The following CDH18 variants were observed in gnomAD, a reference collection of about 807,000 sequenced individuals.
CDH18 encodes cadherin-18.
In CDH18, 31 loss-of-function variants were observed where a neutral mutation model predicts 67.9. The ratio of observed to expected loss-of-function variants is 0.46; its 90% CI spans 0.34 to 0.62. The LOEUF is 0.62. Ranked by LOEUF, CDH18 falls within the 20% of genes least tolerant of loss-of-function variation. The pLI is 0.01. For synonymous variants in CDH18, 362 were observed against 347.2 expected, an observed-to-expected ratio of 1.04 and a Z score of -0.48; for missense variants, 890 against 975.5, an observed-to-expected ratio of 0.91 and a Z score of 1.17.
At chr5:19,744,585 T>C (rs2150720510) in intron 4 of CDH18, among the ~76,000 whole-genome samples, 1 of 152,084 alleles carries the variant, frequency 6.6e-6, no homozygotes, top group South Asian at 2.1e-4. Flanking sequence ...CTCTCTGTTA[T>C]TTTCCTTGAC....
chr5:20,326,265 C>CT (rs1738567930), intron 1 of CDH18, among the ~76,000 whole-genome samples: 1 of 152,030 alleles, frequency 6.6e-6, no homozygotes, highest in Non-Finnish European at 1.5e-5. Flanking sequence ...GCAAACAAAT[C>CT]TGAGAATCCC....
chr5:20,172,027 GTTTAGGTGTGGAACCTTATTTC>G (rs1315072199), intron 2 of CDH18, among the ~76,000 whole-genome samples: 1 of 149,800 alleles, frequency 6.7e-6, no homozygotes, highest in Non-Finnish European at 1.5e-5. Flanking sequence ...AGGTCAGTTG[GTTTAGGTGTGGAACCTTATTTC>G]TTGGCTCTCT....
chr5:19,854,039 G>C (rs945692966), intron 2 of CDH18, among the ~76,000 whole-genome samples: 1 of 152,096 alleles, frequency 6.6e-6, no homozygotes, highest in African/African-American at 2.4e-5. Flanking sequence ...ATCTGGCAGT[G>C]TCCACCCAAC....
At chr5:20,418,660 T>C (rs893348113) in intron 1 of CDH18, among the ~76,000 whole-genome samples, 3 of 7,888 alleles carry the variant, frequency 3.8e-4, no homozygotes, top group African/African-American at 1.8e-3. Context: ...TTTCAATAAT[T>C]TTTTTGTACA....
At chr5:19,918,429 C>A (rs1362521370) in intron 2 of CDH18, among the ~76,000 whole-genome samples, 1 of 152,074 alleles carries the variant, frequency 6.6e-6, no homozygotes, top group Non-Finnish European at 1.5e-5. Flanking sequence ...TTGGAAAAAT[C>A]CAGGGAACAT....
Position 20,550,788 on chromosome 5 carries a change from G to A in CDH18, c.-580+24674C>T, listed in dbSNP as rs774502857. Among the ~76,000 whole-genome samples, 3 of 152,156 alleles carry A rather than the reference G, an allele frequency of 2.0e-5. No homozygotes were observed. The East Asian group carries it at 5.8e-4, about 29-fold the overall frequency. ...GCTGGGTAATTTATTTAAAAAAGAG[G>A]TTTATTTTGGCTCGTGGTTCTGAAG... On this transcript the variant is annotated intron_variant, in intron 1 of 14. Transcript: ENST00000507958.
At chr5:20,307,416 A>G (rs1007499885) in intron 1 of CDH18, among the ~76,000 whole-genome samples, 1 of 152,226 alleles carries the variant, frequency 6.6e-6, no homozygotes, top group Non-Finnish European at 1.5e-5. Flanking sequence ...ATATTTTGTC[A>G]ACAAGAGACA....
chr5:20,279,208 G>T (rs1220573211), intron 1 of CDH18, among the ~76,000 whole-genome samples: 1 of 151,542 alleles, frequency 6.6e-6, no homozygotes, highest in Non-Finnish European at 1.5e-5. Context: ...AATTAAAAAA[G>T]AAATTCCATG....
chr5:19,894,837 A>G (rs1329849575), intron 2 of CDH18, among the ~76,000 whole-genome samples: 1 of 152,122 alleles, frequency 6.6e-6, no homozygotes, highest in Non-Finnish European at 1.5e-5. Context: ...ACTATGTCAC[A>G]CTTGCCTGAA....
chr5:19,645,081 C>T (rs1459120098), intron 5 of CDH18, among the ~76,000 whole-genome samples: 2 of 152,082 alleles, frequency 1.3e-5, no homozygotes, highest in African/African-American at 4.8e-5. Flanking sequence ...TGAGATGATA[C>T]ATCAAAAATG....
rs1319612412 is a variant in CDH18 at position 19,839,000 on chromosome 5, T to A, written c.-14A>T. ...AGTAATTTTCATTGTAAGATAACTTTCCAGTTCACAGTTTTCCTTCCTTTC... is the reference window on the plus strand; with the variant it reads ...AGTAATTTTCATTGTAAGATAACTTACCAGTTCACAGTTTTCCTTCCTTTC... On this transcript the variant is annotated 5_prime_UTR_variant, in exon 3 of 13. Coordinates refer to ENST00000382275, the MANE Select transcript of CDH18 (RefSeq NM_004934.5). The A allele has an allele frequency of 6.3e-7, 1 of 1,597,040 alleles. No individual in the cohort carries two copies. Among genetic ancestry groups the A allele is most frequent in the African/African-American group, 1.3e-5 (1 of 74,606 alleles).
At chr5:20,503,595 T>C (rs1754469136) in intron 1 of CDH18, among the ~76,000 whole-genome samples, 1 of 151,940 alleles carries the variant, frequency 6.6e-6, no homozygotes, top group Admixed American at 6.6e-5. Context: ...TTCCCAAGAG[T>C]GGGGCAATAG....
chr5:20,409,159 A>G (rs965770886), intron 1 of CDH18, among the ~76,000 whole-genome samples: 1 of 151,826 alleles, frequency 6.6e-6, no homozygotes, highest in Non-Finnish European at 1.5e-5. Context: ...AAGCAACACT[A>G]TAGAGCGAAT....
At chr5:20,143,610 A>T (rs559999687) in intron 2 of CDH18, among the ~76,000 whole-genome samples, 1 of 152,136 alleles carries the variant, frequency 6.6e-6, no homozygotes, top group African/African-American at 2.4e-5. Context: ...CTCAAGAGAT[A>T]TTTCTGTCTT....
intron 3 of CDH18, among the ~76,000 whole-genome samples, chr5:19,821,727 C>G (rs1779900934): frequency 6.6e-6 from 1 of 152,110 alleles, no homozygotes; most frequent in South Asian, 2.1e-4. Context: ...TGTCAAATCA[C>G]TTACAAAGGG....
chr5:19,641,622 G>A (rs950523085), intron 5 of CDH18, among the ~76,000 whole-genome samples: 4 of 151,864 alleles, frequency 2.6e-5, no homozygotes, highest in Non-Finnish European at 2.9e-5. Flanking sequence ...ACAAAATTTA[G>A]CATTTATTAA....
chr5:20,506,678 T>A (rs1286820692), intron 1 of CDH18, among the ~76,000 whole-genome samples: 1 of 152,216 alleles, frequency 6.6e-6, no homozygotes, highest in Admixed American at 6.5e-5. Context: ...ACAGGAACTG[T>A]GAGCTACTAA....
intron 2 of CDH18, among the ~76,000 whole-genome samples, chr5:20,172,248 A>ATATG (rs1736893121): frequency 7.5e-6 from 1 of 133,608 alleles, no homozygotes; most frequent in African/African-American, 3.0e-5. Flanking sequence ...ATGTATATAT[A>ATATG]TATATATATC....
intron 9 of CDH18, among the ~76,000 whole-genome samples, chr5:19,537,123 A>C (rs1749539317): frequency 1.3e-5 from 2 of 152,196 alleles, no homozygotes; most frequent in Non-Finnish European, 2.9e-5. Context: ...GACTGAGTAA[A>C]GCAGACAGTC....
Sources: allele counts gnomAD v4.1 joint callset (sites outside exome capture counted in the v4.1 genomes callset), GRCh38; gene constraint gnomAD v4.1.1; transcripts MANE v1.5; gene names NCBI Gene and HGNC (gene_info 2026-07-23, HGNC 2026-07-21).